PHACTR2: variants seen among roughly 807,000 people sequenced by gnomAD.
The protein encoded by PHACTR2 is phosphatase and actin regulator 2.
In PHACTR2, 30 loss-of-function variants were observed where a neutral mutation model predicts 76.0. That is an observed-to-expected ratio of 0.39 (90% CI 0.30 to 0.54). PHACTR2 has a LOEUF of 0.54. PHACTR2 is among the 20% of genes least tolerant of loss of function. The probability of loss-of-function intolerance (pLI) is 0.61; values close to 1 mark genes in which losing one functional copy is unlikely to be tolerated. For missense variants in PHACTR2, 696 were observed against 781.1 expected (o/e 0.89, Z 1.30); for synonymous variants, 292 against 292.5 (o/e 1.00, Z 0.02).
At position 143,558,180 on chromosome 6, in the gene PHACTR2, T is replaced by G. The variant is rs1041143853; in HGVS notation, c.217+20973T>G. 3 of 152,120 alleles carry G rather than the reference T, an allele frequency of 2.0e-5. No individual in the cohort carries two copies. Among genetic ancestry groups the G allele is most frequent in the Admixed American group, 6.6e-5 (1 of 15,260 alleles). 9.4% of individuals were successfully genotyped at this position (152,120 alleles called of 1,614,324 possible). A position where few individuals can be genotyped will look rare whatever the true frequency, so the allele number is the denominator to read the frequency against. On this transcript the variant is annotated intron_variant, in intron 1 of 11. Coordinates refer to the PHACTR2 transcript ENST00000367584. The surrounding 1 kb of genome is among the most constrained non-coding windows in gnomAD (Gnocchi z 4.7). ...AGAAACACTGCACAATCAAAATATA[T>G]GGACTTTGTTTGAATTCTTATTCAA...
chr6:143,665,673 C>A (rs1483651393), intron 1 of PHACTR2, among the ~76,000 whole-genome samples: 1 of 152,188 alleles, frequency 6.6e-6, no homozygotes, highest in Non-Finnish European at 1.5e-5. Context: ...TGCTACCAAC[C>A]TGGTCTAAGC....
rs1562243301 is a variant in PHACTR2, at chr6:143,591,396, T to A, written c.217+54189T>A. Among the ~76,000 whole-genome samples the A allele has an allele frequency of 6.6e-6, 1 of 152,144 alleles. No individual in the cohort carries two copies. Among genetic ancestry groups the A allele is most frequent in the Non-Finnish European group, 1.5e-5 (1 of 68,024 alleles). Reference sequence around the variant, plus strand: ...GAAACTTCCTGTTTTTTTCTAGGTGTTCCAGGTAGGTGGCCAAGGAGAGTG... The same window carrying A: ...GAAACTTCCTGTTTTTTTCTAGGTGATCCAGGTAGGTGGCCAAGGAGAGTG... On this transcript the variant is annotated intron_variant, in intron 1 of 11. Transcript: ENST00000367584. The surrounding 1 kb of genome is among the most constrained non-coding windows in gnomAD (Gnocchi z 6.4).
rs778131883 is a variant in PHACTR2, at chr6:143,549,851, G to A, written c.217+12644G>A. Among the ~76,000 whole-genome samples the A allele has an allele frequency of 5.3e-5, 8 of 151,950 alleles. No homozygotes were observed. The highest frequency in any genetic ancestry group is 8.8e-5 in the Non-Finnish European group (6 of 67,908). On this transcript the variant is annotated intron_variant, in intron 1 of 11. Coordinates refer to the PHACTR2 transcript ENST00000367584. This position sits in a 1 kb window ranked among gnomAD's most constrained non-coding sequence, Gnocchi z 4.2. ...TGGGGTGTCTCGGTATGATTCAGCC[G>A]GTCCCTGGCCTCAACAAGCAAGCTC... is the stretch of plus-strand genomic sequence containing the variant.
chr6:143,544,792 T>C (rs1387355878), intron 1 of PHACTR2, among the ~76,000 whole-genome samples: 2 of 152,198 alleles, frequency 1.3e-5, no homozygotes. Context: ...TAGATACTTG[T>C]AGAATTAATG....
Position 143,592,555 on chromosome 6 carries a change from T to A in PHACTR2, c.217+55348T>A, listed in dbSNP as rs1437315284. 6.6e-6 allele frequency among the ~76,000 whole-genome samples: 1 copy of A among 152,186 alleles called. No homozygotes were observed. The highest frequency in any genetic ancestry group is 1.5e-5 in the Non-Finnish European group (1 of 68,026). On this transcript the variant is annotated intron_variant, in intron 1 of 11. Coordinates refer to the PHACTR2 transcript ENST00000367584. This position sits in a 1 kb window ranked among gnomAD's most constrained non-coding sequence, Gnocchi z 4.0. ...ACTCTATAGGGGCCATTCCCTTGAT[T>A]TGGTCACTCATCCTCTTTCCGGTCG...
In PHACTR2 at chr6:143,683,453, C is replaced by T. The variant is rs74683400; in HGVS notation, c.46+5244C>T. The stretch of plus-strand genomic sequence containing the variant: ...TTCTTCTAGTTTTTTCCAACCCCAC[C>T]CCATTTTCACGGTGCCACAGATCAG... On this transcript the variant is annotated intron_variant, in intron 1 of 12. Transcript: ENST00000440869. This position sits in a 1 kb window ranked among gnomAD's most constrained non-coding sequence, Gnocchi z 4.1. 0.024 allele frequency among the ~76,000 whole-genome samples: 3,712 copies of T among 152,216 alleles called. 54 individuals are homozygous for T. The highest frequency in any genetic ancestry group is 0.043 in the South Asian group (206 of 4,824).
intron 1 of PHACTR2, among the ~76,000 whole-genome samples, chr6:143,669,064 T>G (rs1777098788): frequency 6.6e-6 from 1 of 152,198 alleles, no homozygotes. Context: ...GATTCTGGTG[T>G]GTTGTGTCTT....
intron 2 of PHACTR2, among the ~76,000 whole-genome samples, chr6:143,737,490 A>G (rs933850117): frequency 7.2e-5 from 11 of 152,076 alleles, no homozygotes; most frequent in African/African-American, 2.2e-4. Flanking sequence ...ATGTATTAAG[A>G]TAAATATATT....
rs192238576 is a variant in PHACTR2 at position 143,559,486 on chromosome 6, C to G, written c.217+22279C>G. Among the ~76,000 whole-genome samples the G allele has an allele frequency of 3.6e-3, 553 of 152,200 alleles. 7 individuals are homozygous for G. Among genetic ancestry groups the G allele is most frequent in the African/African-American group, 0.013 (526 of 41,538 alleles). ...TAACCCTATCCTGACATCTCTCCCT[C>G]CTACCTCCACTCCTAATTCTTTCTG... is the stretch of plus-strand genomic sequence containing the variant. On this transcript the variant is annotated intron_variant, in intron 1 of 11. Coordinates refer to the PHACTR2 transcript ENST00000367584.
rs1178110059 is a variant in PHACTR2 at position 143,558,282 on chromosome 6, A to G, written c.217+21075A>G. On this transcript the variant is annotated intron_variant, in intron 1 of 11. Coordinates refer to the PHACTR2 transcript ENST00000367584. This position sits in a 1 kb window ranked among gnomAD's most constrained non-coding sequence, Gnocchi z 4.7. Reference sequence around the variant, plus strand: ...AATGTTCCTTCTTAGGTGTGAAATAATATTGTGGTTGTGTTTTAAGAAAGA... The same window carrying G: ...AATGTTCCTTCTTAGGTGTGAAATAGTATTGTGGTTGTGTTTTAAGAAAGA... 6.6e-6 allele frequency among the ~76,000 whole-genome samples: 1 copy of G among 152,148 alleles called. No homozygotes were observed. The highest frequency in any genetic ancestry group is 1.5e-5 in the Non-Finnish European group (1 of 68,028).
chr6:143,802,266 G>C (rs1289910203), intron 11 of PHACTR2, among the ~76,000 whole-genome samples: 1 of 151,964 alleles, frequency 6.6e-6, no homozygotes, highest in Non-Finnish European at 1.5e-5. Flanking sequence ...GCTTCCCATT[G>C]GTTGTACAAC....
At position 143,547,668 on chromosome 6, in the gene PHACTR2, A is replaced by C. The variant is rs1775024532; in HGVS notation, c.217+10461A>C. ...CAAATTTCTATAGTTAGCAATAGAG[A>C]CTCCCTTCTTCGAATGAAGGAAAAG... On this transcript the variant is annotated intron_variant, in intron 1 of 11. Coordinates refer to the PHACTR2 transcript ENST00000367584. The surrounding 1 kb of genome is among the most constrained non-coding windows in gnomAD (Gnocchi z 4.2). 6.6e-6 allele frequency among the ~76,000 whole-genome samples: 1 copy of C among 152,000 alleles called. No individual in the cohort carries two copies. The highest frequency in any genetic ancestry group is 2.1e-4 in the South Asian group (1 of 4,810).
chr6:143,635,316 A>ATGTGTGTG (rs71834478), intron 1 of PHACTR2, among the ~76,000 whole-genome samples: 152 of 149,928 alleles, frequency 1.0e-3, no homozygotes, highest in African/African-American at 3.4e-3. Context: ...AGCATTTAGG[A>ATGTGTGTG]TGTGTGTGTG....
At chr6:143,701,244 C>G (rs1228164851) in intron 1 of PHACTR2, among the ~76,000 whole-genome samples, 1 of 152,150 alleles carries the variant, frequency 6.6e-6, no homozygotes, top group Non-Finnish European at 1.5e-5. Flanking sequence ...TGCTTGCAGG[C>G]AGATGGAAGT....
At chr6:143,732,445 G>A (rs535331515) in intron 2 of PHACTR2, among the ~76,000 whole-genome samples, 9 of 152,140 alleles carry the variant, frequency 5.9e-5, no homozygotes, top group African/African-American at 1.2e-4. Flanking sequence ...ATGTTGTAGC[G>A]TGTATCAGTA....
At position 143,795,017 on chromosome 6, in the gene PHACTR2, G is replaced by A. The variant is rs916892163; in HGVS notation, c.1845+6107G>A. Among the ~76,000 whole-genome samples the A allele has an allele frequency of 1.2e-4, 18 of 152,246 alleles. 1 individual carries two copies. The highest frequency in any genetic ancestry group is 3.4e-3 in the Middle Eastern group (1 of 292). On this transcript the variant is annotated intron_variant, in intron 11 of 12. Coordinates refer to ENST00000440869, the MANE Select transcript of PHACTR2 (RefSeq NM_001100164.2). The surrounding 1 kb of genome is among the most constrained non-coding windows in gnomAD (Gnocchi z 4.8). ...TTGCTGGTTGTGGTGGGGAATCTCC[G>A]GAATCTGGTAGTCTGGTTAAATGGC...
At chr6:143,622,382 C>A (rs1371591356) in intron 1 of PHACTR2, among the ~76,000 whole-genome samples, 3 of 152,142 alleles carry the variant, frequency 2.0e-5, no homozygotes, top group South Asian at 2.1e-4. Context: ...CTTTGCTTGG[C>A]AATGTGCTGT....
rs1457237486 is a variant in PHACTR2 at position 143,633,125 on chromosome 6, A to C, written c.13+24803A>C. On this transcript the variant is annotated intron_variant, in intron 1 of 11. Transcript: ENST00000305766. This position sits in a 1 kb window ranked among gnomAD's most constrained non-coding sequence, Gnocchi z 4.1. ...TTTCAGCCGATTTGGTTAAATACCA[A>C]GGCGTGCAATTGCTGAATCATAGGG... Among the ~76,000 whole-genome samples, 2 of 152,232 alleles carry C rather than the reference A, an allele frequency of 1.3e-5. No individual in the cohort carries two copies. The highest frequency in any genetic ancestry group is 4.8e-5 in the African/African-American group (2 of 41,464).
chr6:143,829,535 G>A lies in PHACTR2; in HGVS notation c.*5846G>A, dbSNP rs1368921359. 1 of 152,152 alleles carries A rather than the reference G, an allele frequency of 6.6e-6. No homozygotes were observed. Among genetic ancestry groups the A allele is most frequent in the Non-Finnish European group, 1.5e-5 (1 of 68,012 alleles). The allele number at this position is 152,152 out of a possible 1,614,324, so 9.4% of individuals were successfully genotyped here. On this transcript the variant is annotated 3_prime_UTR_variant, in exon 13 of 13. Transcript: ENST00000440869. Reference sequence around the variant, plus strand: ...CATGATGAAAATGTGGATTAACTGTGGGTTGCATGCCTGTTGTTCATACTT... The same window carrying A: ...CATGATGAAAATGTGGATTAACTGTAGGTTGCATGCCTGTTGTTCATACTT...
Sources: allele counts gnomAD v4.1 joint callset (sites outside exome capture counted in the v4.1 genomes callset), GRCh38; gene constraint gnomAD v4.1.1; non-coding constraint Gnocchi (gnomAD v3.1); transcripts MANE v1.5; gene names NCBI Gene and HGNC (gene_info 2026-07-23, HGNC 2026-07-21).